ZNF365: variants seen among roughly 807,000 people sequenced by gnomAD.
ZNF365 encodes the protein protein ZNF365.
In ZNF365, 22 loss-of-function variants were observed where a neutral mutation model predicts 35.0. That is an observed-to-expected ratio of 0.63 (90% CI 0.45 to 0.90). The LOEUF (loss-of-function observed/expected upper bound fraction) is 0.90, where lower values mean the gene tolerates loss of function less well. Ranked by LOEUF, ZNF365 falls within the 40% of genes least tolerant of loss-of-function variation. The pLI, the probability that ZNF365 is intolerant of heterozygous loss-of-function variation, is 0.00. For synonymous variants in ZNF365, 188 were observed against 196.2 expected, an observed-to-expected ratio of 0.96 and a Z score of 0.35; for missense variants, 448 against 500.3, an observed-to-expected ratio of 0.90 and a Z score of 1.00.
chr10:62,392,676 G>A (rs1416665999), intron 3 of ZNF365, among the ~76,000 whole-genome samples: 9 of 152,152 alleles, frequency 5.9e-5, no homozygotes, highest in African/African-American at 1.9e-4. Flanking sequence ...CTGTTGCCAG[G>A]CTAGAGTGCA....
intron 3 of ZNF365, among the ~76,000 whole-genome samples, chr10:62,436,515 G>C (rs897833249): frequency 2.6e-5 from 4 of 152,080 alleles, no homozygotes; most frequent in African/African-American, 9.7e-5. Context: ...ATGCTAAAAA[G>C]GATAATTTTG....
intron 1 of ZNF365, chr10:62,375,664 T>C (rs1451883616): frequency 1.2e-5 from 2 of 160,948 alleles, no homozygotes; most frequent in African/African-American, 2.4e-5. Context: ...TATGTTCTTG[T>C]GTTCACGCAT....
intron 1 of ZNF365, 146 bp from the exon 2 acceptor site, chr10:62,376,035 G>A (rs1294593536): frequency 5.0e-6 from 4 of 801,474 alleles, no homozygotes; most frequent in East Asian, 2.5e-5. Context: ...TGGCCCATGG[G>A]CTGTAGGTTT....
intron 3 of ZNF365, among the ~76,000 whole-genome samples, chr10:62,444,957 G>C (rs1175919081): frequency 6.6e-6 from 1 of 151,424 alleles, no homozygotes; most frequent in Non-Finnish European, 1.5e-5. Context: ...CCCAGAGTGT[G>C]ATGTTCCCCT....
chr10:62,386,516 A>G (rs1442127268), intron 2 of ZNF365, among the ~76,000 whole-genome samples: 1 of 152,202 alleles, frequency 6.6e-6, no homozygotes, highest in Non-Finnish European at 1.5e-5. Flanking sequence ...TGAGTGAATC[A>G]TTATTAGAGC....
chr10:62,431,045 G>A (rs917476065), intron 3 of ZNF365, among the ~76,000 whole-genome samples: 1 of 152,184 alleles, frequency 6.6e-6, no homozygotes, highest in Non-Finnish European at 1.5e-5. Context: ...AGCCAAAGGG[G>A]AAAACCAAAG....
At chr10:62,439,491 T>C (rs1050329370) in intron 3 of ZNF365, among the ~76,000 whole-genome samples, 16 of 152,074 alleles carry the variant, frequency 1.1e-4, no homozygotes, top group African/African-American at 3.6e-4. Flanking sequence ...CAATGAAGCA[T>C]AGGGGAAATA....
intron 3 of ZNF365, among the ~76,000 whole-genome samples, chr10:62,440,162 G>A (rs1840472667): frequency 7.0e-6 from 1 of 142,414 alleles, no homozygotes; most frequent in Non-Finnish European, 1.6e-5. Context: ...TAAGCTTTAT[G>A]AATGCATAGT....
At chr10:62,406,763 A>G (rs1839910697), downstream of ZNF365, among the ~76,000 whole-genome samples, 1 of 152,102 alleles carries the variant, frequency 6.6e-6, no homozygotes, top group Non-Finnish European at 1.5e-5. Context: ...AAGTAACATA[A>G]TTTTTCCTTG....
Position 62,388,578 on chromosome 10 carries a change from T to C in ZNF365, c.924+2T>C. On this transcript the variant is annotated splice_donor_variant, in intron 3 of 4. Coordinates refer to ENST00000395254, the MANE Select transcript of ZNF365 (RefSeq NM_014951.3). LOFTEE classifies it high-confidence loss of function. ...GTCCGTGATCTCAGCGGGCACGTGG[T>C]GAGTCACCCCGGGCCAGCCACCGAG... 1 of 1,613,538 alleles carries C rather than the reference T, an allele frequency of 6.2e-7. No homozygotes were observed. Among genetic ancestry groups the C allele is most frequent in the Non-Finnish European group, 8.5e-7 (1 of 1,179,976 alleles).
At chr10:62,447,863 C>A (rs542322462) in intron 3 of ZNF365, among the ~76,000 whole-genome samples, 1 of 152,276 alleles carries the variant, frequency 6.6e-6, no homozygotes, top group Admixed American at 6.5e-5. Flanking sequence ...GTGTCTTAAC[C>A]CTCACATTGG....
chr10:62,458,078 A>T (rs1277511424), intron 3 of ZNF365, among the ~76,000 whole-genome samples: 1 of 152,196 alleles, frequency 6.6e-6, no homozygotes, highest in African/African-American at 2.4e-5. Flanking sequence ...TATGCATGGG[A>T]AAAGAGGAGA....
intron 3 of ZNF365, among the ~76,000 whole-genome samples, chr10:62,407,750 T>C (rs1282233551): frequency 6.6e-6 from 1 of 152,238 alleles, no homozygotes; most frequent in Non-Finnish European, 1.5e-5. Flanking sequence ...CTCCTTCTTT[T>C]AGCCTGCATC....
At chr10:62,457,398 TTGTACA>T (rs1190080969) in intron 3 of ZNF365, among the ~76,000 whole-genome samples, 1 of 152,156 alleles carries the variant, frequency 6.6e-6, no homozygotes, top group East Asian at 1.9e-4. Context: ...AGGGCATAGG[TTGTACA>T]CTTTGGCCTA....
intron 3 of ZNF365, among the ~76,000 whole-genome samples, chr10:62,392,847 G>T (rs944603452): frequency 6.6e-6 from 1 of 152,088 alleles, no homozygotes; most frequent in African/African-American, 2.4e-5. Flanking sequence ...GACCAGGCGG[G>T]TCTGGAACTC....
intron 3 of ZNF365, among the ~76,000 whole-genome samples, chr10:62,421,450 C>G (rs1840166927): frequency 6.6e-6 from 1 of 152,154 alleles, no homozygotes; most frequent in African/African-American, 2.4e-5. Flanking sequence ...ATCCTCTATA[C>G]TCAGTTAAGC....
intron 3 of ZNF365, among the ~76,000 whole-genome samples, chr10:62,427,132 A>G (rs1840262518): frequency 6.6e-6 from 1 of 152,176 alleles, no homozygotes; most frequent in Non-Finnish European, 1.5e-5. Context: ...ATGGTTAATA[A>G]ATGACTATAT....
rs1839327543 is a variant in ZNF365, at chr10:62,376,332, C to G, written c.139C>G (p.Leu47Val). The change falls in exon 2 of 5, where the codon CTG (leucine) becomes GTG (valine). Residue 47 changes from leucine to valine, a missense_variant. Leu to Val is a conservative substitution (Grantham distance 32). This residue lies in a region of ZNF365 where 76 missense variants were observed against 96.7 expected (regional missense o/e 0.79). Transcript: ENST00000395254. The part of the protein sequence containing the change: ...FRSLSSLRAH[L>V]EFSHSYEERT... The stretch of plus-strand genomic sequence containing the variant: ...AAGCTTGTCATCCTTGAGGGCCCAT[C>G]TGGAGTTCAGTCACAGCTACGAAGA... The G allele has an allele frequency of 1.9e-6, 3 of 1,614,058 alleles. No homozygotes were observed. The African/African-American group carries it at 4.0e-5, about 22-fold the overall frequency.
chr10:62,475,987 G>A (rs1454462648), intron 4 of ZNF365, among the ~76,000 whole-genome samples: 2 of 152,140 alleles, frequency 1.3e-5, no homozygotes, highest in Non-Finnish European at 1.5e-5. Context: ...TGCATATGAG[G>A]GGTGTTAGGA....
Sources: gnomAD v4.1 joint callset for allele counts (sites outside exome capture counted in the v4.1 genomes callset) on GRCh38, gnomAD v4.1.1 for gene constraint, gnomAD v4.1.1 regional missense constraint, MANE v1.5 for transcripts, NCBI Gene and HGNC (gene_info 2026-07-23, HGNC 2026-07-21) for gene names.